USP47: variants seen among roughly 807,000 people sequenced by gnomAD.
The protein encoded by USP47 is ubiquitin carboxyl-terminal hydrolase 47.
A neutral mutation model predicts 165.1 loss-of-function variants in USP47; 35 were observed. That is an observed-to-expected ratio of 0.21 (90% CI 0.16 to 0.28). USP47 has a LOEUF of 0.28. Ranked by LOEUF, USP47 falls within the 10% of genes least tolerant of loss-of-function variation. The pLI is 1.00. For missense variants in USP47, 1,277 were observed against 1,607.4 expected, an observed-to-expected ratio of 0.79 and a Z score of 3.52; for synonymous variants, 531 against 544.5, an observed-to-expected ratio of 0.98 and a Z score of 0.35.
At chr11:11,944,816 C>G (rs977971948) in intron 20 of USP47, among the ~76,000 whole-genome samples, 1 of 152,044 alleles carries the variant, frequency 6.6e-6, no homozygotes, top group Non-Finnish European at 1.5e-5. Flanking sequence ...AAAAGTAGTT[C>G]CTCTTTAGTA....
intron 4 of USP47, among the ~76,000 whole-genome samples, chr11:11,895,060 T>C (rs1851765168): frequency 6.6e-6 from 1 of 152,130 alleles, no homozygotes; most frequent in African/African-American, 2.4e-5. Context: ...ATAGTTTCAT[T>C]TTATAGGTTC....
At chr11:11,882,437 G>GT (rs1033170009) in intron 2 of USP47, among the ~76,000 whole-genome samples, 1 of 151,908 alleles carries the variant, frequency 6.6e-6, no homozygotes, top group Non-Finnish European at 1.5e-5. Flanking sequence ...TAATATATTT[G>GT]TTTTTTTAAA....
intron 21 of USP47, 39 bp from the exon 22 acceptor site, chr11:11,948,439 C>T: frequency 1.3e-6 from 2 of 1,533,502 alleles, no homozygotes; most frequent in South Asian, 1.1e-5. Context: ...GTTTATTCTG[C>T]TGAGACAGCA....
chr11:11,929,145 ATTAT>A (rs1340805277), intron 11 of USP47, among the ~76,000 whole-genome samples: 2 of 152,036 alleles, frequency 1.3e-5, no homozygotes, highest in East Asian at 3.9e-4. Context: ...ATTTTAGACT[ATTAT>A]TTAATTTTTA....
intron 1 of USP47, among the ~76,000 whole-genome samples, chr11:11,872,405 G>A (rs532335619): frequency 6.6e-6 from 1 of 152,276 alleles, no homozygotes; most frequent in South Asian, 2.1e-4. Context: ...TATATTAAAG[G>A]GGACTGGAAT....
intron 19 of USP47, 139 bp from the exon 20 acceptor site, chr11:11,942,194 AAT>A (rs1243391596): frequency 3.0e-6 from 3 of 1,003,214 alleles, no homozygotes; most frequent in South Asian, 4.1e-5. Flanking sequence ...TCTCCAAAAC[AAT>A]AGAGTCCTTC....
intron 5 of USP47, among the ~76,000 whole-genome samples, chr11:11,899,915 T>C (rs1005873081): frequency 6.6e-6 from 1 of 151,898 alleles, no homozygotes; most frequent in East Asian, 1.9e-4. Flanking sequence ...GTAGTGCTAG[T>C]GGAAAAGGAT....
At chr11:11,870,971 G>T (rs1332590509) in intron 1 of USP47, among the ~76,000 whole-genome samples, 1 of 152,128 alleles carries the variant, frequency 6.6e-6, no homozygotes, top group African/African-American at 2.4e-5. Context: ...CAAACATTGA[G>T]AATTTTACCT....
intron 1 of USP47, among the ~76,000 whole-genome samples, chr11:11,860,318 G>A (rs954116409): frequency 2.6e-5 from 4 of 151,772 alleles, no homozygotes; most frequent in Non-Finnish European, 5.9e-5. Context: ...GAGAGTGAGA[G>A]ATAAGTTAAA....
At chr11:11,922,986 T>G (rs182946096) in intron 11 of USP47, 95 bp downstream of exon 11, 1 of 1,105,456 alleles carries the variant, frequency 9.0e-7, no homozygotes, top group East Asian at 3.3e-5. Flanking sequence ...AAAGTTATCT[T>G]TAAAAGAAAC....
intron 8 of USP47, among the ~76,000 whole-genome samples, chr11:11,908,874 A>G (rs1852765433): frequency 6.6e-6 from 1 of 152,166 alleles, no homozygotes; most frequent in South Asian, 2.1e-4. Context: ...CTGTAAAAGG[A>G]TTTAGTAGAT....
rs1564901718 is a variant in USP47, at chr11:11,961,084, G to A, written c.*4909G>A. ...ATAATAATATCGGTGGTTTACTTAA[G>A]GTGTCCAGAGATGGTGGAGAACAGG... is the stretch of plus-strand genomic sequence containing the variant. On this transcript the variant is annotated 3_prime_UTR_variant, in exon 28 of 28. Coordinates refer to ENST00000527733, the MANE Select transcript of USP47 (RefSeq NM_001282659.2). Among the ~76,000 whole-genome samples the A allele has an allele frequency of 6.6e-6, 1 of 152,174 alleles. No homozygotes were observed. Among genetic ancestry groups the A allele is most frequent in the Non-Finnish European group, 1.5e-5 (1 of 68,040 alleles).
At chr11:11,951,803 G>A (rs954825730) in intron 24 of USP47, 2 of 152,168 alleles carry the variant, frequency 1.3e-5, no homozygotes, top group African/African-American at 4.8e-5. Flanking sequence ...CTACTATGGT[G>A]TGTAGGCAAG....
intron 8 of USP47, among the ~76,000 whole-genome samples, chr11:11,916,197 C>CG (rs1853405626): frequency 6.6e-6 from 1 of 152,122 alleles, no homozygotes; most frequent in Non-Finnish European, 1.5e-5. Context: ...GCCTGTAATC[C>CG]TAGCACTTCG....
intron 20 of USP47, 191 bp downstream of exon 20, chr11:11,943,303 C>G (rs887827396): frequency 3.7e-5 from 17 of 463,808 alleles, no homozygotes; most frequent in East Asian, 3.0e-4. Context: ...GTAATTATAT[C>G]AGAACTCTGA....
At chr11:11,954,292 G>A (rs774488667) in intron 25 of USP47, among the ~76,000 whole-genome samples, 50 of 152,020 alleles carry the variant, frequency 3.3e-4, no homozygotes, top group Non-Finnish European at 2.1e-4. Context: ...TTTTTGAGAC[G>A]GAGTTTCACT....
At chr11:11,851,925 G>C (rs372442267) in intron 1 of USP47, among the ~76,000 whole-genome samples, 1 of 152,100 alleles carries the variant, frequency 6.6e-6, no homozygotes, top group Non-Finnish European at 1.5e-5. Flanking sequence ...ATGTTGGTAG[G>C]GGGGCATGAT....
chr11:11,946,815 C>T (rs1855875796), intron 20 of USP47, among the ~76,000 whole-genome samples: 1 of 152,170 alleles, frequency 6.6e-6, no homozygotes, highest in Non-Finnish European at 1.5e-5. Flanking sequence ...GCTCATCACC[C>T]TCTTCATACT....
intron 10 of USP47, among the ~76,000 whole-genome samples, chr11:11,921,541 A>G (rs994620755): frequency 2.6e-5 from 4 of 151,906 alleles, no homozygotes; most frequent in African/African-American, 7.2e-5. Context: ...GATCAATAAC[A>G]TTTTGAAAAG....
Sources: allele counts gnomAD v4.1 joint callset (sites outside exome capture counted in the v4.1 genomes callset), GRCh38; gene constraint gnomAD v4.1.1; transcripts MANE v1.5; gene names NCBI Gene and HGNC (gene_info 2026-07-23, HGNC 2026-07-21).